The following CTBP2 variants were observed in gnomAD, a reference collection of about 807,000 sequenced individuals.
CTBP2 encodes the protein C-terminal-binding protein 2.
A neutral mutation model predicts 80.3 loss-of-function variants in CTBP2; 30 were observed. That is an observed-to-expected ratio of 0.37 (90% confidence interval 0.28 to 0.51). The LOEUF (loss-of-function observed/expected upper bound fraction) is 0.51. CTBP2 is among the 20% of genes least tolerant of loss of function. The pLI, the probability that CTBP2 is intolerant of heterozygous loss-of-function variation, is 0.93. For synonymous variants in CTBP2, 594 were observed against 587.4 expected (o/e 1.01, Z -0.16); for missense variants, 1,212 against 1,375.3 (o/e 0.88, Z 1.88).
At chr10:125,034,840 C>A (rs760302328) in intron 3 of CTBP2, among the ~76,000 whole-genome samples, 1 of 152,152 alleles carries the variant, frequency 6.6e-6, no homozygotes, top group East Asian at 1.9e-4. Context: ...GTTCTTTCCT[C>A]GGGGAAAGAG....
chr10:124,984,841 G>A lies in CTBP2; in HGVS notation c.*4677C>T. ...CTGGACTGCTGTGTGACGGAGGGGGGAGTTCTGGTTGCCATGCAGAAGAGT... is the reference window on the plus strand; with the variant it reads ...CTGGACTGCTGTGTGACGGAGGGGGAAGTTCTGGTTGCCATGCAGAAGAGT... On this transcript the variant is annotated 3_prime_UTR_variant, in exon 9 of 9. Transcript: ENST00000309035. The A allele has an allele frequency of 6.2e-7, 1 of 1,614,000 alleles. No homozygotes were observed. The highest frequency in any genetic ancestry group is 8.5e-7 in the Non-Finnish European group (1 of 1,180,002).
At chr10:125,010,490 C>T (rs751904437) in intron 1 of CTBP2, among the ~76,000 whole-genome samples, 2 of 152,200 alleles carry the variant, frequency 1.3e-5, no homozygotes, top group Non-Finnish European at 2.9e-5. Flanking sequence ...CAACAGATTC[C>T]CTGGCTCATG....
Position 125,078,617 on chromosome 10 carries a change from C to T in CTBP2, c.-102+32373G>A, listed in dbSNP as rs567439362. On this transcript the variant is annotated intron_variant, in intron 2 of 10. Coordinates refer to the CTBP2 transcript ENST00000337195. ...GGGAAAGTGCTGTTTTGAGTTGACA[C>T]GAGGTCACAGACAAGCCAAGCTGCG... Among the ~76,000 whole-genome samples the T allele has an allele frequency of 5.9e-5, 9 of 151,724 alleles. 1 individual carries two copies. The highest frequency in any genetic ancestry group is 2.1e-4 in the South Asian group (1 of 4,800).
intron 1 of CTBP2, among the ~76,000 whole-genome samples, chr10:125,152,344 G>A (rs968842158): frequency 2.0e-5 from 3 of 152,176 alleles, no homozygotes; most frequent in Non-Finnish European, 2.9e-5. Flanking sequence ...GGTAGAGCGC[G>A]GCCAGGTGTG....
At chr10:125,106,510 T>C (rs1349278726) in intron 2 of CTBP2, among the ~76,000 whole-genome samples, 1 of 152,136 alleles carries the variant, frequency 6.6e-6, no homozygotes, top group Non-Finnish European at 1.5e-5. Flanking sequence ...AGTTCTTCAC[T>C]AACAAAATGG....
At chr10:125,112,713 A>C (rs1368492691) in intron 1 of CTBP2, among the ~76,000 whole-genome samples, 2 of 152,212 alleles carry the variant, frequency 1.3e-5, no homozygotes, top group Non-Finnish European at 2.9e-5. Flanking sequence ...GGCATGAGCC[A>C]CCATGCCCAG....
chr10:125,082,840 C>T (rs1267660297), intron 2 of CTBP2, among the ~76,000 whole-genome samples: 8 of 152,132 alleles, frequency 5.3e-5, no homozygotes, highest in Non-Finnish European at 4.4e-5. Context: ...CCGCTCGCCT[C>T]GGCCTCCTGA....
At chr10:125,116,096 C>T (rs1335491647) in intron 1 of CTBP2, among the ~76,000 whole-genome samples, 1 of 152,148 alleles carries the variant, frequency 6.6e-6, no homozygotes, top group Admixed American at 6.5e-5. Context: ...AGGAGCAAAA[C>T]AGAAACCTGG....
chr10:125,134,669 G>T (rs910370927), intron 1 of CTBP2, among the ~76,000 whole-genome samples: 1 of 152,096 alleles, frequency 6.6e-6, no homozygotes, highest in Non-Finnish European at 1.5e-5. Flanking sequence ...CACGCGGCGC[G>T]GGAGGACGAA....
At chr10:125,028,729 T>C (rs185490028), upstream of CTBP2, among the ~76,000 whole-genome samples, 5 of 152,310 alleles carry the variant, frequency 3.3e-5, no homozygotes, top group East Asian at 7.7e-4. Flanking sequence ...GACTAAACCT[T>C]ACACTGCAAA....
intron 3 of CTBP2, chr10:125,001,568 G>A (rs974969364): frequency 6.6e-6 from 1 of 152,234 alleles, no homozygotes; most frequent in Non-Finnish European, 1.5e-5. Flanking sequence ...TGAGGGGTGT[G>A]GGGAGGGTGA....
At chr10:125,127,196 T>C (rs1855428500) in intron 1 of CTBP2, among the ~76,000 whole-genome samples, 1 of 152,090 alleles carries the variant, frequency 6.6e-6, no homozygotes, top group Admixed American at 6.5e-5. Context: ...GATACTTCTG[T>C]CCAACTGCAT....
At position 125,101,482 on chromosome 10, in the gene CTBP2, A is replaced by G. The variant is rs1590783450; in HGVS notation, c.-102+9508T>C. On this transcript the variant is annotated intron_variant, in intron 2 of 10. Coordinates refer to the CTBP2 transcript ENST00000337195. ...CGCCTTGGCTGCGGCTGGGATCAGC[A>G]CACCCTCACAACTAAAACCCCAATG... 2.0e-5 allele frequency among the ~76,000 whole-genome samples: 3 copies of G among 152,374 alleles called. No homozygotes were observed. In the East Asian group the frequency reaches 5.8e-4, roughly 29 times the overall value.
At chr10:125,156,484 T>C (rs1860938292) in intron 1 of CTBP2, among the ~76,000 whole-genome samples, 1 of 152,234 alleles carries the variant, frequency 6.6e-6, no homozygotes, top group African/African-American at 2.4e-5. Flanking sequence ...TAGTGAACTG[T>C]TGGCAAATGG....
intron 1 of CTBP2, among the ~76,000 whole-genome samples, chr10:125,022,536 G>A (rs1957157802): frequency 6.6e-6 from 1 of 152,210 alleles, no homozygotes; most frequent in African/African-American, 2.4e-5. Context: ...AATGAGGAAG[G>A]AAGGAAGAAG....
intron 1 of CTBP2, among the ~76,000 whole-genome samples, chr10:125,018,972 G>T (rs1956788635): frequency 6.6e-6 from 1 of 152,218 alleles, no homozygotes; most frequent in South Asian, 2.1e-4. Context: ...TGTCCCAGGG[G>T]GCCGCCCACT....
chr10:124,993,938 C>T lies in CTBP2; in HGVS notation c.2448G>A (p.Val816=). ...GGGCTTGTGCTAAGGCTTTCTCGTC[C>T]ACCAGGCCGCCACGGGCTGCGTTCA... The change falls in exon 6 of 9, where the codon GTG becomes GTA. Residue 816 remains valine (V), a synonymous_variant. Transcript: ENST00000309035. 1.2e-6 allele frequency: 2 copies of T among 1,614,214 alleles called. No homozygotes were observed. Among genetic ancestry groups the T allele is most frequent in the Non-Finnish European group, 1.7e-6 (2 of 1,180,052 alleles).
chr10:125,090,388 TAC>T (rs1490397733), intron 2 of CTBP2, among the ~76,000 whole-genome samples: 1 of 150,042 alleles, frequency 6.7e-6, no homozygotes, highest in African/African-American at 2.5e-5. Flanking sequence ...TAAACTGAAT[TAC>T]AGACTTAAGA....
intron 1 of CTBP2, among the ~76,000 whole-genome samples, chr10:125,140,973 C>T (rs557890631): frequency 1.3e-5 from 2 of 152,052 alleles, no homozygotes; most frequent in East Asian, 3.9e-4. Context: ...AACCCCATCT[C>T]TACTAAAAAT....
Sources: gnomAD v4.1 joint callset for allele counts (sites outside exome capture counted in the v4.1 genomes callset) on GRCh38, gnomAD v4.1.1 for gene constraint, MANE v1.5 for transcripts, NCBI Gene and HGNC (gene_info 2026-07-23, HGNC 2026-07-21) for gene names.